SLC10A4: variants seen among roughly 807,000 people sequenced by gnomAD.
SLC10A4 encodes the protein putative sodium/bile acid cotransporter 4.
Under a neutral mutation model 22.5 loss-of-function variants are expected in SLC10A4, and 17 were observed. The ratio of observed to expected loss-of-function variants is 0.76; its 90% CI spans 0.52 to 1.14. The LOEUF (loss-of-function observed/expected upper bound fraction) is 1.14. Ranked by LOEUF, SLC10A4 falls within the 50% of genes most tolerant of loss-of-function variation. The pLI is 0.00. For synonymous variants in SLC10A4, 257 were observed against 258.2 expected, an observed-to-expected ratio of 1.00 and a Z score of 0.04; for missense variants, 548 against 584.0, an observed-to-expected ratio of 0.94 and a Z score of 0.64.
intron 2 of SLC10A4, among the ~76,000 whole-genome samples, chr4:48,487,922 G>A (rs1372754501): frequency 1.4e-5 from 2 of 146,432 alleles, no homozygotes; most frequent in Non-Finnish European, 3.0e-5. Flanking sequence ...CTCTGCCTCA[G>A]CATCCCGAGT....
In SLC10A4 at chr4:48,483,574, G is replaced by T; in HGVS notation, c.13G>T (p.Asp5Tyr). The T allele has an allele frequency of 1.3e-6, 2 of 1,505,030 alleles. No individual in the cohort carries two copies. Among genetic ancestry groups the T allele is most frequent in the Non-Finnish European group, 8.8e-7 (1 of 1,131,288 alleles). The allele number at this position is 1,505,030 out of a possible 1,614,324, so 93.2% of individuals were successfully genotyped here. Reference protein sequence around the residue: MDGNDNVTLLFAPLL... With the variant: MDGNYNVTLLFAPLL... Reference sequence around the variant, plus strand: ...CTCCGGCCGCGCCATGGACGGCAACGACAACGTGACCCTGCTCTTCGCCCC... The same window carrying T: ...CTCCGGCCGCGCCATGGACGGCAACTACAACGTGACCCTGCTCTTCGCCCC... The change falls in exon 1 of 3, where the codon GAC becomes TAC. Residue 5 changes from aspartate to tyrosine, a missense_variant. This residue lies in a region of SLC10A4 where 225 missense variants were observed against 206.9 expected (regional missense o/e 1.09). Coordinates refer to ENST00000273861, the MANE Select transcript of SLC10A4 (RefSeq NM_152679.4). The surrounding 1 kb of genome is among the most constrained non-coding windows in gnomAD (Gnocchi z 5.4).
At position 48,484,979 on chromosome 4, in the gene SLC10A4, C is replaced by T; in HGVS notation, c.638C>T (p.Pro213Leu). The change falls in exon 2 of 3, where the codon CCC becomes CTC. Residue 213 changes from proline (P) to leucine (L), a missense_variant. By Grantham distance (98) the Pro-to-Leu change is moderately conservative. Around this residue, in one of 3 missense-constraint regions of SLC10A4, gnomAD observed 314 missense variants for 353.2 expected, o/e 0.89. Transcript: ENST00000273861. ...SSTLLALVLM[P>L]LCLWIYSWAW... ...ACGCTTCTGGCCCTCGTCTTGATGC[C>T]CCTGTGCCTGTGGATCTACAGCTGG... 2.5e-6 allele frequency: 4 copies of T among 1,614,118 alleles called. No homozygotes were observed. The highest frequency in any genetic ancestry group is 3.4e-6 in the Non-Finnish European group (4 of 1,180,018).
Position 48,483,757 on chromosome 4 carries a change from C to A in SLC10A4, c.196C>A (p.Pro66Thr). 2 of 1,479,096 alleles carry A rather than the reference C, an allele frequency of 1.4e-6. No homozygotes were observed. The highest frequency in any genetic ancestry group is 8.9e-7 in the Non-Finnish European group (1 of 1,120,678). 91.6% of individuals were successfully genotyped at this position (1,479,096 alleles called of 1,614,324 possible). A position where few individuals can be genotyped will look rare whatever the true frequency, so the allele number is the denominator to read the frequency against. Residue 66 changes from proline to threonine, a missense_variant, in exon 1 of 3, where the codon CCG (proline) becomes ACG (threonine). Physicochemically the swap from Pro to Thr is conservative, Grantham distance 38. Around this residue, in one of 3 missense-constraint regions of SLC10A4, gnomAD observed 225 missense variants for 206.9 expected, o/e 1.09. Transcript: ENST00000273861. This position sits in a 1 kb window ranked among gnomAD's most constrained non-coding sequence, Gnocchi z 5.4. ...CTTCAGCCCCGGCCCCACTCCGACCCCGGAGCCCACGACCAGCGGCCTCGC... is the reference window on the plus strand; with the variant it reads ...CTTCAGCCCCGGCCCCACTCCGACCACGGAGCCCACGACCAGCGGCCTCGC... ...FGFSPGPTPTPEPTTSGLAGG... is the reference protein window; with the variant it reads ...FGFSPGPTPTTEPTTSGLAGG...
chr4:48,485,657 T>TA (rs1430208064), intron 2 of SLC10A4, among the ~76,000 whole-genome samples: 1 of 152,214 alleles, frequency 6.6e-6, no homozygotes, highest in African/African-American at 2.4e-5. Context: ...ATGGAAAAGT[T>TA]ACATTGTAGT....
intron 2 of SLC10A4, among the ~76,000 whole-genome samples, 170 bp from the exon 3 acceptor site, chr4:48,488,257 T>C (rs547452511): frequency 6.7e-6 from 1 of 150,052 alleles, no homozygotes; most frequent in South Asian, 2.2e-4. Flanking sequence ...CTGCCCAATG[T>C]GGCTCTGGAT....
intron 1 of SLC10A4, 110 bp downstream of exon 1, chr4:48,484,261 A>G: frequency 8.9e-7 from 1 of 1,118,794 alleles, no homozygotes; most frequent in South Asian, 1.9e-5. Flanking sequence ...TTAGGCGTGG[A>G]GGAAGGAGGA....
At position 48,483,849 on chromosome 4, in the gene SLC10A4, C is replaced by A; in HGVS notation, c.288C>A (p.Phe96Leu). The change falls in exon 1 of 3, where the codon TTC (phenylalanine) becomes TTA (leucine). Residue 96 changes from phenylalanine (F) to leucine (L), a missense_variant. Transcript: ENST00000273861. This position sits in a 1 kb window ranked among gnomAD's most constrained non-coding sequence, Gnocchi z 5.4. Reference protein sequence around the residue: ...PRPWAPHALPFWDTPLNHGLN... With the variant: ...PRPWAPHALPLWDTPLNHGLN... ...CCTGGGCGCCCCACGCGCTCCCGTT[C>A]TGGGACACGCCGCTGAACCACGGGC... 6.5e-7 allele frequency: 1 copy of A among 1,540,450 alleles called. No individual in the cohort carries two copies. Among genetic ancestry groups the A allele is most frequent in the Non-Finnish European group, 8.7e-7 (1 of 1,145,470 alleles).
intron 2 of SLC10A4, 80 bp from the exon 3 acceptor site, chr4:48,488,347 T>C: frequency 1.6e-6 from 2 of 1,282,230 alleles, no homozygotes; most frequent in Non-Finnish European, 2.1e-6. Flanking sequence ...GCATACTAGA[T>C]GGGTGTTTTC....
chr4:48,485,865 T>A (rs1260267902), intron 2 of SLC10A4, among the ~76,000 whole-genome samples: 1 of 152,182 alleles, frequency 6.6e-6, no homozygotes, highest in Admixed American at 6.5e-5. Flanking sequence ...TTTGATTTTT[T>A]AAAAAATGAA....
rs769446683 is a variant in SLC10A4 at position 48,488,696 on chromosome 4, A to G, written c.1071A>G (p.Ile357Met). The change falls in exon 3 of 3, where the codon ATA (isoleucine) becomes ATG (methionine). Residue 357 changes from isoleucine to methionine, a missense_variant. Around this residue, in one of 3 missense-constraint regions of SLC10A4, gnomAD observed 314 missense variants for 353.2 expected, o/e 0.89. Coordinates refer to ENST00000273861, the MANE Select transcript of SLC10A4 (RefSeq NM_152679.4). ...ILKLAFPPQF[I>M]GSMYMFPLLY... ...AACTGGCCTTTCCACCGCAATTCATAGGAAGCATGTACATGTTTCCTTTGC... is the reference window on the plus strand; with the variant it reads ...AACTGGCCTTTCCACCGCAATTCATGGGAAGCATGTACATGTTTCCTTTGC... 1 of 1,613,932 alleles carries G rather than the reference A, an allele frequency of 6.2e-7. No individual in the cohort carries two copies. The highest frequency in any genetic ancestry group is 8.5e-7 in the Non-Finnish European group (1 of 1,180,040).
chr4:48,486,276 A>T (rs1392066598), intron 2 of SLC10A4, among the ~76,000 whole-genome samples: 2 of 152,058 alleles, frequency 1.3e-5, no homozygotes, highest in Admixed American at 6.5e-5. Context: ...CATAATACAC[A>T]TGTATATGTG....
chr4:48,489,035 G>C lies in SLC10A4; in HGVS notation c.*96G>C, dbSNP rs1007148187. On this transcript the variant is annotated 3_prime_UTR_variant, in exon 3 of 3. Coordinates refer to ENST00000273861, the MANE Select transcript of SLC10A4 (RefSeq NM_152679.4). ...ATGGTTAACATAAAAGATAACACTG[G>C]TTCACATCATACATGTAACAATTCT... is the stretch of plus-strand genomic sequence containing the variant. 30 of 1,343,202 alleles carry C rather than the reference G, an allele frequency of 2.2e-5. No individual in the cohort carries two copies. Among genetic ancestry groups the C allele is most frequent in the South Asian group, 2.2e-4 (15 of 67,912 alleles). 83.2% of individuals were successfully genotyped at this position (1,343,202 alleles called of 1,614,324 possible).
Position 48,488,975 on chromosome 4 carries a change from A to T in SLC10A4, c.*36A>T. ...ACACAGGAGCTTCTATCTTGCTGAA[A>T]TATTGCTTCATATTTATAGCCTGTG... On this transcript the variant is annotated 3_prime_UTR_variant, in exon 3 of 3. Transcript: ENST00000273861. The T allele has an allele frequency of 6.5e-7, 1 of 1,537,014 alleles. No individual in the cohort carries two copies. The highest frequency in any genetic ancestry group is 8.7e-7 in the Non-Finnish European group (1 of 1,149,572).
intron 1 of SLC10A4, 57 bp downstream of exon 1, chr4:48,484,208 C>A: frequency 1.4e-6 from 2 of 1,469,078 alleles, no homozygotes. Context: ...CGTTTACGGC[C>A]GTGGGCTCAC....
chr4:48,483,537 C>T lies in SLC10A4; in HGVS notation c.-25C>T, dbSNP rs1461283259. ...CGAGAGGCACGCGGCGGGAGGGGAC[C>T]GGAATCCGCAGCTCCGGCCGCGCCA... is the stretch of plus-strand genomic sequence containing the variant. On this transcript the variant is annotated 5_prime_UTR_variant, in exon 1 of 3. Transcript: ENST00000273861. The surrounding 1 kb of genome is among the most constrained non-coding windows in gnomAD (Gnocchi z 5.4). 3 of 1,482,532 alleles carry T rather than the reference C, an allele frequency of 2.0e-6. No homozygotes were observed. The highest frequency in any genetic ancestry group is 2.7e-6 in the Non-Finnish European group (3 of 1,120,246). The allele number at this position is 1,482,532 out of a possible 1,614,324, so 91.8% of individuals were successfully genotyped here.
rs1044060729 is a variant in SLC10A4 at position 48,483,479 on chromosome 4, C to A, written c.-83C>A. ...GGGGCTCGGAGACCGACGGGCAGAA[C>A]GACGGGCGGCGACTGCGGCGACCGC... On this transcript the variant is annotated 5_prime_UTR_variant, in exon 1 of 3. Coordinates refer to ENST00000273861, the MANE Select transcript of SLC10A4 (RefSeq NM_152679.4). This position sits in a 1 kb window ranked among gnomAD's most constrained non-coding sequence, Gnocchi z 5.4. 3.4e-6 allele frequency: 4 copies of A among 1,186,988 alleles called. No homozygotes were observed. The highest frequency in any genetic ancestry group is 2.1e-4 in the Middle Eastern group (1 of 4,870). 73.5% of individuals were successfully genotyped at this position (1,186,988 alleles called of 1,614,324 possible). A position where few individuals can be genotyped will look rare whatever the true frequency, so the allele number is the denominator to read the frequency against.
intron 2 of SLC10A4, among the ~76,000 whole-genome samples, chr4:48,485,874 AATGCTTTC>A (rs1718274038): frequency 6.6e-6 from 1 of 152,194 alleles, no homozygotes; most frequent in African/African-American, 2.4e-5. Context: ...TTAAAAAATG[AATGCTTTC>A]TGTAGCAGTA....
In SLC10A4 at chr4:48,487,228, CGTAAGCATCATTACAGACTTAT is replaced by C. The variant is rs1298079185; in HGVS notation, c.802-1198_802-1177del. Among the ~76,000 whole-genome samples, 4 of 152,094 alleles carry C rather than the reference CGTAAGCATCATTACAGACTTAT, an allele frequency of 2.6e-5. No homozygotes were observed. In the East Asian group the frequency reaches 7.7e-4, roughly 29 times the overall value. On this transcript the variant is annotated intron_variant, in intron 2 of 2. Transcript: ENST00000273861. ...CCGAAATCCATCTATTGTAATAATA[CGTAAGCATCATTACAGACTTAT>C]AGATGGGAGGTTTCTCATGAACAAA...
Position 48,483,567 on chromosome 4 carries a change from C to T in SLC10A4, c.6C>T (p.Asp2=), listed in dbSNP as rs1401135527. 1 of 1,503,222 alleles carries T rather than the reference C, an allele frequency of 6.7e-7. No individual in the cohort carries two copies. Among genetic ancestry groups the T allele is most frequent in the Non-Finnish European group, 8.8e-7 (1 of 1,130,486 alleles). The allele number at this position is 1,503,222 out of a possible 1,614,324, so 93.1% of individuals were successfully genotyped here. Residue 2 remains aspartate (D), a synonymous_variant, in exon 1 of 3, where the codon GAC becomes GAT. Transcript: ENST00000273861. This position sits in a 1 kb window ranked among gnomAD's most constrained non-coding sequence, Gnocchi z 5.4. The part of the protein sequence containing the change: M[D]GNDNVTLLFA... ...TCCGCAGCTCCGGCCGCGCCATGGA[C>T]GGCAACGACAACGTGACCCTGCTCT...
Sources: allele counts gnomAD v4.1 joint callset (sites outside exome capture counted in the v4.1 genomes callset), GRCh38; gene constraint gnomAD v4.1.1; regional missense constraint gnomAD v4.1.1; non-coding constraint Gnocchi (gnomAD v3.1); transcripts MANE v1.5; gene names NCBI Gene and HGNC (gene_info 2026-07-23, HGNC 2026-07-21).